The following ADARB2 variants were observed in gnomAD, a reference collection of about 807,000 sequenced individuals.
The protein encoded by ADARB2 is inactive double-stranded RNA-specific editase B2.
A neutral mutation model predicts 62.2 loss-of-function variants in ADARB2; 25 were observed. The ratio of observed to expected loss-of-function variants is 0.40; its 90% CI spans 0.29 to 0.56. The LOEUF is 0.56. Ranked by LOEUF, ADARB2 falls within the 20% of genes least tolerant of loss-of-function variation. The pLI is 0.43. For synonymous variants in ADARB2, 572 were observed against 500.8 expected (o/e 1.14, Z -1.90); for missense variants, 1,071 against 1,077.4 (o/e 0.99, Z 0.08).
At chr10:1,265,369 G>A (rs1436741670) in intron 4 of ADARB2, among the ~76,000 whole-genome samples, 2 of 152,266 alleles carry the variant, frequency 1.3e-5, no homozygotes, top group African/African-American at 2.4e-5. Context: ...TAAATAAAGC[G>A]GTGCCCTGAC....
At chr10:1,551,435 C>A (rs950379064) in intron 1 of ADARB2, among the ~76,000 whole-genome samples, 6 of 152,184 alleles carry the variant, frequency 3.9e-5, no homozygotes, top group Admixed American at 6.5e-5. Flanking sequence ...TTCACCCAGA[C>A]AGTTTCTCAA....
At chr10:1,222,402 A>G (rs879467388) in intron 6 of ADARB2, among the ~76,000 whole-genome samples, 15 of 152,072 alleles carry the variant, frequency 9.9e-5, no homozygotes, top group Non-Finnish European at 1.9e-4. Context: ...TTTGCTGTGC[A>G]GAAGCTCTTT....
At chr10:1,588,421 T>C (rs1445541898) in intron 1 of ADARB2, among the ~76,000 whole-genome samples, 4 of 152,194 alleles carry the variant, frequency 2.6e-5, no homozygotes, top group African/African-American at 9.6e-5. Flanking sequence ...AGGAACTTGA[T>C]AGGCCAAATG....
At chr10:1,652,332 G>C (rs558678091) in intron 1 of ADARB2, among the ~76,000 whole-genome samples, 4 of 152,318 alleles carry the variant, frequency 2.6e-5, no homozygotes, top group African/African-American at 7.2e-5. Flanking sequence ...GCAGTGACCA[G>C]GACTGCCAAG....
At chr10:1,378,476 C>T (rs952532451) in intron 2 of ADARB2, among the ~76,000 whole-genome samples, 1 of 152,172 alleles carries the variant, frequency 6.6e-6, no homozygotes, top group Admixed American at 6.5e-5. Context: ...TTCTCAGTCC[C>T]AGAGACATTA....
At chr10:1,642,139 A>G (rs1238871171) in intron 1 of ADARB2, among the ~76,000 whole-genome samples, 1 of 152,224 alleles carries the variant, frequency 6.6e-6, no homozygotes, top group African/African-American at 2.4e-5. Context: ...GCCATTAATG[A>G]CTTCTTTTGA....
chr10:1,230,940 A>G (rs1241522816), intron 6 of ADARB2, among the ~76,000 whole-genome samples: 2 of 152,164 alleles, frequency 1.3e-5, no homozygotes, highest in Non-Finnish European at 2.9e-5. Flanking sequence ...AATAAAAGAC[A>G]TCTGTGTCTG....
chr10:1,550,700 G>A (rs1396779878), intron 1 of ADARB2, among the ~76,000 whole-genome samples: 2 of 152,136 alleles, frequency 1.3e-5, no homozygotes, highest in Non-Finnish European at 2.9e-5. Context: ...TGTTAGGGTC[G>A]TGGGAGCTAG....
chr10:1,672,180 CCT>C (rs530555595), intron 1 of ADARB2, among the ~76,000 whole-genome samples: 5 of 151,948 alleles, frequency 3.3e-5, no homozygotes, highest in Non-Finnish European at 5.9e-5. Flanking sequence ...CCATCGTTTT[CCT>C]CTCTCTCTGT....
intron 7 of ADARB2, among the ~76,000 whole-genome samples, chr10:1,209,471 ACCCATG>A (rs869199436): frequency 0.023 from 3,286 of 144,112 alleles, 157 homozygotes; most frequent in African/African-American, 0.08. Flanking sequence ...CATCACCCAC[ACCCATG>A]CCCATGCCTA....
intron 1 of ADARB2, among the ~76,000 whole-genome samples, chr10:1,510,945 C>A (rs549591032): frequency 6.6e-6 from 1 of 152,342 alleles, no homozygotes; most frequent in African/African-American, 2.4e-5. Context: ...CCTCAACCTT[C>A]TGGCTCGAGT....
intron 1 of ADARB2, among the ~76,000 whole-genome samples, chr10:1,560,029 CAT>C (rs897993832): frequency 9.8e-5 from 15 of 152,310 alleles, no homozygotes; most frequent in Admixed American, 7.8e-4. Context: ...AACCTATTTT[CAT>C]ATCTAGGACA....
chr10:1,195,449 T>G (rs1836897687), intron 8 of ADARB2, among the ~76,000 whole-genome samples: 1 of 151,300 alleles, frequency 6.6e-6, no homozygotes, highest in Admixed American at 6.6e-5. Flanking sequence ...TTAAGTTTTA[T>G]GACTGGCAAA....
Position 1,668,849 on chromosome 10 carries a change from C to T in ADARB2, c.100+68202G>A, listed in dbSNP as rs531514093. On this transcript the variant is annotated intron_variant, in intron 1 of 9. Coordinates refer to ENST00000381312, the MANE Select transcript of ADARB2 (RefSeq NM_018702.4). ...GTCCTCCCGTTGTGCTGCTCACAGG[C>T]TGCTTCTGTTACATCCAGGAGGACC... 1.7e-4 allele frequency among the ~76,000 whole-genome samples: 26 copies of T among 152,348 alleles called. No homozygotes were observed. The South Asian group carries it at 5.4e-3, about 32-fold the overall frequency.
At chr10:1,721,483 A>G (rs917247338) in intron 1 of ADARB2, among the ~76,000 whole-genome samples, 6 of 152,188 alleles carry the variant, frequency 3.9e-5, no homozygotes, top group African/African-American at 1.4e-4. Context: ...TGCTGTGTGC[A>G]TACACATCAC....
At chr10:1,413,822 T>A (rs1832779424) in intron 1 of ADARB2, among the ~76,000 whole-genome samples, 1 of 152,250 alleles carries the variant, frequency 6.6e-6, no homozygotes, top group African/African-American at 2.4e-5. Context: ...AAAACCGATT[T>A]GTAAATTATG....
intron 1 of ADARB2, among the ~76,000 whole-genome samples, chr10:1,550,488 A>G (rs1832603129): frequency 6.6e-6 from 1 of 152,216 alleles, no homozygotes. Context: ...ATGAGTCAAC[A>G]CATTTTTGCA....
intron 1 of ADARB2, among the ~76,000 whole-genome samples, chr10:1,691,686 T>A (rs551286317): frequency 4.0e-4 from 61 of 152,342 alleles, no homozygotes; most frequent in African/African-American, 1.4e-3. Flanking sequence ...AGGCCACACA[T>A]GGCTCCCTGT....
intron 1 of ADARB2, among the ~76,000 whole-genome samples, chr10:1,429,075 C>A (rs570537805): frequency 6.6e-6 from 1 of 152,014 alleles, no homozygotes; most frequent in Admixed American, 6.6e-5. Flanking sequence ...GTGGAGGGCA[C>A]CAGTGTCTAT....
Sources: allele counts gnomAD v4.1 joint callset (sites outside exome capture counted in the v4.1 genomes callset), GRCh38; gene constraint gnomAD v4.1.1; transcripts MANE v1.5; gene names NCBI Gene and HGNC (gene_info 2026-07-23, HGNC 2026-07-21).